Variants in RBM27 observed in about 807,000 individuals in gnomAD.
The protein encoded by RBM27 is RNA-binding protein 27.
RBM27 carries 22 observed loss-of-function variants against 135.3 expected under a neutral mutation model. The observed-to-expected ratio is 0.16, with a 90% CI of 0.12 to 0.23. The LOEUF is 0.23. Among genes scored for constraint, RBM27 ranks in the 10% least tolerant of loss-of-function variants. The probability of loss-of-function intolerance (pLI) is 1.00; values close to 1 mark genes in which losing one functional copy is unlikely to be tolerated. For missense variants in RBM27, 1,009 were observed against 1,281.0 expected (o/e 0.79, Z 3.24); for synonymous variants, 481 against 442.4 (o/e 1.09, Z -1.10).
intron 11 of RBM27, among the ~76,000 whole-genome samples, chr5:146,259,869 AG>A (rs1758307022): frequency 6.8e-6 from 1 of 146,984 alleles, no homozygotes; most frequent in Non-Finnish European, 1.5e-5. Context: ...GCTACTCGGG[AG>A]GCTGAGGCAG....
intron 19 of RBM27, among the ~76,000 whole-genome samples, chr5:146,280,914 G>A (rs1378882606): frequency 6.6e-6 from 1 of 152,046 alleles, no homozygotes; most frequent in East Asian, 1.9e-4. Context: ...CTGGAGTGCA[G>A]TGGCATGATC....
Position 146,251,884 on chromosome 5 carries a change from T to C in RBM27, c.1444+9T>C. ...TACCCCTCTGGTTCCAGGTAAGCTT[T>C]GCTACAGATGGCCATCCACCTCACT... On this transcript the variant is annotated intron_variant, in intron 9 of 20. Coordinates refer to ENST00000265271, the MANE Select transcript of RBM27 (RefSeq NM_018989.2). The C allele has an allele frequency of 1.2e-6, 2 of 1,612,476 alleles. No homozygotes were observed. Among genetic ancestry groups the C allele is most frequent in the Middle Eastern group, 1.7e-4 (1 of 6,032 alleles).
intron 2 of RBM27, among the ~76,000 whole-genome samples, chr5:146,220,987 G>A (rs1283874869): frequency 1.3e-5 from 2 of 152,020 alleles, no homozygotes; most frequent in African/African-American, 4.8e-5. Context: ...GGAGGCCGAG[G>A]CGGGTGGATC....
At position 146,280,354 on chromosome 5, in the gene RBM27, C is replaced by T. The variant is rs141233076; in HGVS notation, c.2989-4268C>T. Among the ~76,000 whole-genome samples the T allele has an allele frequency of 4.5e-3, 692 of 152,280 alleles. 7 individuals are homozygous for T. The highest frequency in any genetic ancestry group is 0.016 in the African/African-American group (662 of 41,554). On this transcript the variant is annotated intron_variant, in intron 19 of 20. Transcript: ENST00000265271. ...ATAGGCATGTGCCACCACGCCCGAC[C>T]TATTTCCTTAAAATTTTTAAAGGTT...
At chr5:146,221,305 G>A (rs1384137421) in intron 2 of RBM27, among the ~76,000 whole-genome samples, 2 of 152,186 alleles carry the variant, frequency 1.3e-5, no homozygotes, top group African/African-American at 2.4e-5. Flanking sequence ...ATCAGCTTGT[G>A]TGTGTCTTTC....
intron 8 of RBM27, among the ~76,000 whole-genome samples, chr5:146,250,090 CT>C (rs1757818333): frequency 6.6e-6 from 1 of 152,082 alleles, no homozygotes; most frequent in Non-Finnish European, 1.5e-5. Context: ...GCTTTGTAGC[CT>C]GTCCTATTAA....
At chr5:146,210,993 T>G (rs1755913475) in intron 1 of RBM27, among the ~76,000 whole-genome samples, 1 of 150,332 alleles carries the variant, frequency 6.7e-6, no homozygotes, top group Non-Finnish European at 1.5e-5. Flanking sequence ...CCTAGTTGGC[T>G]GGGCATTGTG....
At chr5:146,203,870 G>C (rs1379119857) in intron 1 of RBM27, 46 bp downstream of exon 1, 1 of 1,502,824 alleles carries the variant, frequency 6.7e-7, no homozygotes, top group South Asian at 1.2e-5. Flanking sequence ...TGGGCGTTGG[G>C]GGCTCGCGGG....
At chr5:146,220,726 C>A (rs536773369) in intron 2 of RBM27, among the ~76,000 whole-genome samples, 2 of 151,846 alleles carry the variant, frequency 1.3e-5, no homozygotes, top group African/African-American at 4.8e-5. Context: ...GAATTTTTTC[C>A]CAGTACAACA....
At chr5:146,231,221 G>C (rs1018471918) in intron 6 of RBM27, among the ~76,000 whole-genome samples, 1 of 152,042 alleles carries the variant, frequency 6.6e-6, no homozygotes, top group African/African-American at 2.4e-5. Flanking sequence ...TCTATGGCCT[G>C]TATTATTTCA....
At position 146,230,766 on chromosome 5, in the gene RBM27, A is replaced by G. The variant is rs536610636; in HGVS notation, c.699A>G (p.Ala233=). 5 of 1,614,064 alleles carry G rather than the reference A, an allele frequency of 3.1e-6. No individual in the cohort carries two copies. In the South Asian group the frequency reaches 4.4e-5, roughly 14 times the overall value. The change falls in exon 6 of 21, where the codon GCA becomes GCG. Residue 233 remains alanine (A), a synonymous_variant. Coordinates refer to ENST00000265271, the MANE Select transcript of RBM27 (RefSeq NM_018989.2). The part of the protein sequence containing the change: ...PNSSEQYSSG[A]QSIPSTVTVI... ...CTTCTGAGCAGTATTCCTCTGGGGC[A>G]CAGTCTATTCCCAGCACTGTTACTG...
intron 2 of RBM27, among the ~76,000 whole-genome samples, chr5:146,221,419 G>A (rs1357388567): frequency 2.0e-5 from 3 of 152,052 alleles, no homozygotes; most frequent in African/African-American, 7.2e-5. Flanking sequence ...TTGATATCTG[G>A]TAAATAGGCC....
intron 14 of RBM27, among the ~76,000 whole-genome samples, chr5:146,264,105 CA>C (rs377296275): frequency 1.8e-3 from 220 of 122,688 alleles, no homozygotes; most frequent in Middle Eastern, 4.1e-3. Flanking sequence ...GACCCTGTGT[CA>C]AAAAAAAAAA....
At chr5:146,241,151 CTTG>C (rs1366823165) in intron 8 of RBM27, among the ~76,000 whole-genome samples, 1 of 145,318 alleles carries the variant, frequency 6.9e-6, no homozygotes, top group Non-Finnish European at 1.5e-5. Flanking sequence ...AAAATTCCAT[CTTG>C]TTTTTAATTT....
chr5:146,227,199 G>T (rs1192099548), intron 3 of RBM27, among the ~76,000 whole-genome samples: 1 of 152,164 alleles, frequency 6.6e-6, no homozygotes, highest in Non-Finnish European at 1.5e-5. Context: ...GTAGACATGT[G>T]CCATGATTTA....
intron 8 of RBM27, among the ~76,000 whole-genome samples, chr5:146,240,501 A>G (rs1757362371): frequency 6.6e-6 from 1 of 151,888 alleles, no homozygotes; most frequent in Non-Finnish European, 1.5e-5. Context: ...TAATTTTTGT[A>G]TTTTTAGTAG....
chr5:146,246,619 A>G (rs1005207230), intron 8 of RBM27, among the ~76,000 whole-genome samples: 5 of 152,198 alleles, frequency 3.3e-5, no homozygotes, highest in Non-Finnish European at 7.3e-5. Context: ...TTCCAGCTGC[A>G]GTGAGCTATG....
At chr5:146,255,930 A>C (rs933650509) in intron 10 of RBM27, among the ~76,000 whole-genome samples, 18 of 149,908 alleles carry the variant, frequency 1.2e-4, no homozygotes, top group African/African-American at 3.7e-4. Context: ...ATCCTGACTC[A>C]CTGCAACCTC....
At chr5:146,219,164 G>C (rs920931068) in intron 2 of RBM27, 61 bp downstream of exon 2, 11 of 1,253,284 alleles carry the variant, frequency 8.8e-6, no homozygotes, top group Non-Finnish European at 1.2e-5. Flanking sequence ...AAAACTTCCT[G>C]AAAAGTCTTG....
Sources: gnomAD v4.1 joint callset for allele counts (sites outside exome capture counted in the v4.1 genomes callset) on GRCh38, gnomAD v4.1.1 for gene constraint, MANE v1.5 for transcripts, NCBI Gene and HGNC (gene_info 2026-07-23, HGNC 2026-07-21) for gene names.